Variants in CDKL4 observed in about 807,000 individuals in gnomAD.
CDKL4 encodes cyclin-dependent kinase-like 4.
A neutral mutation model predicts 42.0 loss-of-function variants in CDKL4; 44 were observed. The ratio of observed to expected loss-of-function variants is 1.05; its 90% CI spans 0.82 to 1.35. The LOEUF is 1.35. Ranked by LOEUF, CDKL4 falls within the 40% of genes most tolerant of loss-of-function variation. The probability of loss-of-function intolerance (pLI) is 0.00; values close to 1 mark genes in which losing one functional copy is unlikely to be tolerated. For synonymous variants in CDKL4, 120 were observed against 121.6 expected (o/e 0.99, Z 0.09); for missense variants, 393 against 369.9 (o/e 1.06, Z -0.51).
chr2:39,176,508 C>T (rs989031985), intron 9 of CDKL4, among the ~76,000 whole-genome samples: 1 of 152,192 alleles, frequency 6.6e-6, no homozygotes, highest in African/African-American at 2.4e-5. Flanking sequence ...AATCTCGGCT[C>T]ACTGCAACCT....
At chr2:39,190,562 A>C in intron 5 of CDKL4, 60 bp from the exon 6 acceptor site, 1 of 1,407,224 alleles carries the variant, frequency 7.1e-7, no homozygotes, top group Non-Finnish European at 1.0e-6. Context: ...ACTGCTCCCA[A>C]GAACACATCA....
chr2:39,240,595 T>G (rs376371957), intron 1 of CDKL4, among the ~76,000 whole-genome samples: 2 of 148,390 alleles, frequency 1.3e-5, no homozygotes, highest in African/African-American at 5.0e-5. Context: ...GATGAATGTG[T>G]AAACAAAATG....
intron 9 of CDKL4, among the ~76,000 whole-genome samples, chr2:39,176,569 G>T (rs1488055423): frequency 6.6e-6 from 1 of 152,270 alleles, no homozygotes; most frequent in East Asian, 1.9e-4. Context: ...AAGTAGCTGA[G>T]ATTACAGGTG....
rs181025175 is a variant in CDKL4 at position 39,221,100 on chromosome 2, G to A, written c.290+4739C>T. On this transcript the variant is annotated intron_variant, in intron 3 of 9. Transcript: ENST00000451199. ...GCCATCTCAGCTCACTGCAATCTCC[G>A]TCTCCTGGGTTCACACCATTCTCCT... Among the ~76,000 whole-genome samples the A allele has an allele frequency of 3.9e-3, 554 of 143,308 alleles. 3 individuals carry two copies. Among genetic ancestry groups the A allele is most frequent in the Non-Finnish European group, 6.2e-3 (415 of 66,632 alleles). 94.0% of individuals were successfully genotyped at this position (143,308 alleles called of 152,430 possible).
exon 10 of CDKL4, chr2:39,176,051 G>A (rs1486668769): frequency 6.4e-6 from 3 of 470,904 alleles, no homozygotes; most frequent in South Asian, 3.1e-5. Context: ...CTTCCATCAG[G>A]TGTGGGGGAG....
chr2:39,190,300 C>T lies in CDKL4; in HGVS notation c.652+5G>A. On this transcript the variant is annotated splice_donor_5th_base_variant and intron_variant, in intron 6 of 9. Coordinates refer to ENST00000451199, the Ensembl canonical transcript of CDKL4. ...AACTCTGTTGCCATAAAATGCAATT[C>T]ATACCTAGTGTTCTGATTATCAGAT... 1 of 1,612,078 alleles carries T rather than the reference C, an allele frequency of 6.2e-7. No homozygotes were observed. The highest frequency in any genetic ancestry group is 8.5e-7 in the Non-Finnish European group (1 of 1,178,300).
chr2:39,223,839 C>A (rs1678529039), intron 3 of CDKL4, among the ~76,000 whole-genome samples: 1 of 152,062 alleles, frequency 6.6e-6, no homozygotes, highest in Non-Finnish European at 1.5e-5. Context: ...CTCAGCTGAT[C>A]CACCTGCCTC....
chr2:39,186,267 A>G (rs11682081), intron 7 of CDKL4, among the ~76,000 whole-genome samples: 11,183 of 152,250 alleles, frequency 0.073, 562 homozygotes, highest in Non-Finnish European at 0.11. Flanking sequence ...TATATGAAAT[A>G]ATTGATTTAA....
At chr2:39,218,156 T>G (rs1366453009) in intron 3 of CDKL4, among the ~76,000 whole-genome samples, 1 of 152,224 alleles carries the variant, frequency 6.6e-6, no homozygotes, top group Non-Finnish European at 1.5e-5. Context: ...TAGTTATGAG[T>G]AATTTTCTGT....
intron 8 of CDKL4, 21 bp downstream of exon 8, chr2:39,184,570 T>G (rs376288885): frequency 5.8e-5 from 92 of 1,576,198 alleles, no homozygotes; most frequent in Middle Eastern, 5.0e-4. Context: ...CTAATAAGAG[T>G]TATAATTGAT....
At chr2:39,212,250 T>C (rs80194382) in intron 4 of CDKL4, among the ~76,000 whole-genome samples, 2 of 151,954 alleles carry the variant, frequency 1.3e-5, no homozygotes, top group African/African-American at 4.8e-5. Context: ...TTTTTTTTTT[T>C]TGAGACAGAG....
chr2:39,241,733 A>C (rs1343871315), intron 1 of CDKL4, among the ~76,000 whole-genome samples: 1 of 152,154 alleles, frequency 6.6e-6, no homozygotes, highest in Non-Finnish European at 1.5e-5. Flanking sequence ...AATCCCCAAA[A>C]GCAGGTTCTT....
downstream of CDKL4, among the ~76,000 whole-genome samples, chr2:39,171,230 C>G (rs1249335896): frequency 6.7e-6 from 1 of 149,392 alleles, no homozygotes; most frequent in Non-Finnish European, 1.5e-5. Context: ...CAGAGAGAGA[C>G]CGTCTCAAAA....
intron 1 of CDKL4, among the ~76,000 whole-genome samples, chr2:39,233,044 C>CAAAAAAAAAAAAAAAAAAAAAAAAAAA (rs72150084): frequency 1.5e-5 from 1 of 66,142 alleles, no homozygotes; most frequent in Admixed American, 2.1e-4. Flanking sequence ...GACTCCATCT[C>CAAAAAAAAAAAAAAAAAAAAAAAAAAA]AAAAAAAAAA....
At chr2:39,184,561 TA>T (rs761848905) in intron 8 of CDKL4, 29 bp downstream of exon 8, 75 of 1,531,232 alleles carry the variant, frequency 4.9e-5, no homozygotes, top group Middle Eastern at 1.7e-4. Context: ...AATTTATAGC[TA>T]ATAAGAGTTA....
exon 10 of CDKL4, chr2:39,175,856 C>A: frequency 3.0e-6 from 1 of 337,482 alleles, no homozygotes; most frequent in Non-Finnish European, 5.8e-6. Context: ...AAGGAATCAG[C>A]AATGATCAGA....
chr2:39,198,438 C>T (rs762926092), intron 5 of CDKL4, among the ~76,000 whole-genome samples: 1 of 152,106 alleles, frequency 6.6e-6, no homozygotes, highest in Non-Finnish European at 1.5e-5. Flanking sequence ...GTCATCAAGA[C>T]AGAAAGTCAA....
intron 3 of CDKL4, among the ~76,000 whole-genome samples, 177 bp from the exon 4 acceptor site, chr2:39,213,649 G>T (rs370448972): frequency 6.6e-6 from 1 of 151,878 alleles, no homozygotes; most frequent in African/African-American, 2.4e-5. Flanking sequence ...TTATGGTTAT[G>T]TAATTTCCTT....
In CDKL4 at chr2:39,229,359, A is replaced by G; in HGVS notation, c.168+6T>C. 6.4e-7 allele frequency: 1 copy of G among 1,559,370 alleles called. No individual in the cohort carries two copies. The highest frequency in any genetic ancestry group is 8.7e-7 in the Non-Finnish European group (1 of 1,148,878). On this transcript the variant is annotated splice_donor_region_variant and intron_variant, in intron 2 of 9. Transcript: ENST00000451199. ...GATATTTTACATATATATAAAGTTA[A>G]CTTACCTTCAACATACGTATTTCTC...
Sources: allele counts gnomAD v4.1 joint callset (sites outside exome capture counted in the v4.1 genomes callset), GRCh38; gene constraint gnomAD v4.1.1; transcripts MANE v1.5; gene names NCBI Gene and HGNC (gene_info 2026-07-23, HGNC 2026-07-21).